Variants in CFAP299 observed in about 807,000 individuals in gnomAD.
The protein encoded by CFAP299 is cilia and flagella associated protein 299.
CFAP299 carries 21 observed loss-of-function variants against 27.0 expected under a neutral mutation model. The observed-to-expected ratio is 0.78, with a 90% confidence interval of 0.55 to 1.12. The LOEUF is 1.12. Ranked by LOEUF, CFAP299 falls within the 50% of genes most tolerant of loss-of-function variation. The probability of loss-of-function intolerance (pLI) is 0.00; values close to 1 mark genes in which losing one functional copy is unlikely to be tolerated. For missense variants in CFAP299, 310 were observed against 276.6 expected, an observed-to-expected ratio of 1.12 and a Z score of -0.86; for synonymous variants, 104 against 98.1, an observed-to-expected ratio of 1.06 and a Z score of -0.36.
At chr4:80,387,415 G>C (rs1196875861) in intron 2 of CFAP299, 1 of 956,542 alleles carries the variant, frequency 1.0e-6, no homozygotes, top group Non-Finnish European at 1.7e-6. Context: ...TGCTGGGGCA[G>C]AACTGGAACA....
At chr4:80,794,553 A>G (rs1044099781) in intron 3 of CFAP299, among the ~76,000 whole-genome samples, 3 of 152,158 alleles carry the variant, frequency 2.0e-5, no homozygotes, top group Non-Finnish European at 2.9e-5. Flanking sequence ...CCACTGTTCT[A>G]TCAATCCAGC....
At chr4:80,568,193 C>G (rs935159308) in intron 2 of CFAP299, among the ~76,000 whole-genome samples, 2 of 151,772 alleles carry the variant, frequency 1.3e-5, no homozygotes. Flanking sequence ...CATACTGAAC[C>G]TATTTTATAT....
At chr4:80,571,952 TACA>T (rs1425813092) in intron 2 of CFAP299, among the ~76,000 whole-genome samples, 1 of 152,180 alleles carries the variant, frequency 6.6e-6, no homozygotes, top group African/African-American at 2.4e-5. Context: ...ACAGAGCAAA[TACA>T]CAATGATACA....
intron 3 of CFAP299, among the ~76,000 whole-genome samples, chr4:80,617,371 A>G (rs76487313): frequency 0.045 from 6,863 of 152,196 alleles, 389 homozygotes; most frequent in East Asian, 0.26. Flanking sequence ...CTTGACCACC[A>G]GCCCCAGCTT....
chr4:80,630,744 G>A (rs1739166009), intron 3 of CFAP299, among the ~76,000 whole-genome samples: 1 of 151,874 alleles, frequency 6.6e-6, no homozygotes, highest in Non-Finnish European at 1.5e-5. Flanking sequence ...GACAATAGAA[G>A]CATAATATAA....
intron 2 of CFAP299, among the ~76,000 whole-genome samples, chr4:80,381,308 T>C (rs188617084): frequency 9.9e-5 from 15 of 152,222 alleles, no homozygotes; most frequent in African/African-American, 3.4e-4. Context: ...ATCTCCTTGA[T>C]GAAAATTCTA....
At chr4:80,467,094 T>C (rs1306511164) in intron 2 of CFAP299, among the ~76,000 whole-genome samples, 1 of 152,188 alleles carries the variant, frequency 6.6e-6, no homozygotes, top group Non-Finnish European at 1.5e-5. Flanking sequence ...GTGTTTTCAT[T>C]TAAGGTGGGT....
Position 80,608,327 on chromosome 4 carries a change from T to C in CFAP299, c.333+25144T>C. 4.6e-6 allele frequency: 7 copies of C among 1,525,878 alleles called. No homozygotes were observed. The South Asian group carries it at 8.4e-5, about 18-fold the overall frequency. 94.5% of individuals were successfully genotyped at this position (1,525,878 alleles called of 1,614,324 possible). On this transcript the variant is annotated intron_variant, in intron 3 of 5. Coordinates refer to ENST00000358105, the MANE Select transcript of CFAP299 (RefSeq NM_152770.3). ...CAGTTGGATTTCCCCTTTTAATTTG[T>C]TTAAGCTAAATCAACAGGAGACTGA...
chr4:80,796,881 G>T (rs1252976388), intron 3 of CFAP299, among the ~76,000 whole-genome samples: 2 of 152,124 alleles, frequency 1.3e-5, no homozygotes, highest in Non-Finnish European at 2.9e-5. Flanking sequence ...CACCCTACCA[G>T]TTAGGGAACC....
At chr4:80,594,396 G>C (rs1736948206) in intron 3 of CFAP299, among the ~76,000 whole-genome samples, 1 of 152,156 alleles carries the variant, frequency 6.6e-6, no homozygotes, top group South Asian at 2.1e-4. Flanking sequence ...CCTCATGCCA[G>C]GGTCCTTCCT....
chr4:80,411,361 A>C (rs906399418), intron 2 of CFAP299, among the ~76,000 whole-genome samples: 9 of 152,156 alleles, frequency 5.9e-5, no homozygotes, highest in Admixed American at 5.2e-4. Context: ...TACTTCATTT[A>C]GTTTTATCAC....
At chr4:80,815,786 A>G (rs1729390863) in intron 3 of CFAP299, among the ~76,000 whole-genome samples, 1 of 152,052 alleles carries the variant, frequency 6.6e-6, no homozygotes, top group Non-Finnish European at 1.5e-5. Context: ...TTTAAATGAT[A>G]TGTATATGTA....
rs1022503243 is a variant in CFAP299 at position 80,458,862 on chromosome 4, G to A, written c.242+95978G>A. Reference sequence around the variant, plus strand: ...CCCAATAACAGATCTGTTCATCTATGGCACTGAGTAGGCCCTCCTGGGATT... The same window carrying A: ...CCCAATAACAGATCTGTTCATCTATAGCACTGAGTAGGCCCTCCTGGGATT... On this transcript the variant is annotated intron_variant, in intron 2 of 5. Coordinates refer to ENST00000358105, the MANE Select transcript of CFAP299 (RefSeq NM_152770.3). 2.0e-5 allele frequency among the ~76,000 whole-genome samples: 3 copies of A among 152,102 alleles called. No individual in the cohort carries two copies. In the East Asian group the frequency reaches 5.8e-4, roughly 29 times the overall value.
intron 3 of CFAP299, among the ~76,000 whole-genome samples, chr4:80,613,385 C>T (rs1738099029): frequency 6.6e-6 from 1 of 152,064 alleles, no homozygotes; most frequent in African/African-American, 2.4e-5. Flanking sequence ...AATGATTTAA[C>T]TCTAAAACTG....
rs1466827552 is a variant in CFAP299, at chr4:80,519,730, T to G, written c.243-63363T>G. Among the ~76,000 whole-genome samples, 4 of 152,262 alleles carry G rather than the reference T, an allele frequency of 2.6e-5. No homozygotes were observed. The East Asian group carries it at 7.7e-4, about 29-fold the overall frequency. ...TGGTAATCTGATGGTGAGCCAGGCT[T>G]AAGAGGCATTCAAGGCTAAAGAATG... is the stretch of plus-strand genomic sequence containing the variant. On this transcript the variant is annotated intron_variant, in intron 2 of 5. Transcript: ENST00000358105.
In CFAP299 at chr4:80,362,817, A is replaced by AG; in HGVS notation, c.178dup (p.Glu60GlyfsTer4). 3 of 1,613,258 alleles carry AG rather than the reference A, an allele frequency of 1.9e-6. No individual in the cohort carries two copies. Among genetic ancestry groups the AG allele is most frequent in the Non-Finnish European group, 2.5e-6 (3 of 1,179,846 alleles). ...CCGAGGGACTGGAGAGAGAGTGAAA[A>AG]GGGAAGATTTTGAAGCAAGGAAAGC... is the stretch of plus-strand genomic sequence containing the variant. On this transcript the variant is annotated frameshift_variant, in exon 2 of 6. Transcript: ENST00000358105. LOFTEE classifies it high-confidence loss of function.
chr4:80,674,237 C>T (rs1303737161), intron 3 of CFAP299, among the ~76,000 whole-genome samples: 4 of 152,102 alleles, frequency 2.6e-5, no homozygotes, highest in African/African-American at 7.2e-5. Flanking sequence ...AATCTCTCAG[C>T]ATTTGCTTGT....
Position 80,473,463 on chromosome 4 carries a change from T to C in CFAP299, c.243-109630T>C, listed in dbSNP as rs115762315. On this transcript the variant is annotated intron_variant, in intron 2 of 5. Transcript: ENST00000358105. ...CTCCTGCTTAAAAAAAAAAATCTAA[T>C]GTGTAAATTTTTTAGGGAGACGAGC... Among the ~76,000 whole-genome samples the C allele has an allele frequency of 8.9e-4, 136 of 152,244 alleles. 2 individuals carry two copies. The highest frequency in any genetic ancestry group is 3.2e-3 in the African/African-American group (132 of 41,562).
chr4:80,710,800 A>G (rs1459818962), intron 3 of CFAP299, among the ~76,000 whole-genome samples: 1 of 152,048 alleles, frequency 6.6e-6, no homozygotes, highest in Non-Finnish European at 1.5e-5. Flanking sequence ...CGTACACATA[A>G]TGATACAATG....
Sources: allele counts gnomAD v4.1 joint callset (sites outside exome capture counted in the v4.1 genomes callset), GRCh38; gene constraint gnomAD v4.1.1; transcripts MANE v1.5; gene names NCBI Gene and HGNC (gene_info 2026-07-23, HGNC 2026-07-21).